The following CCDC178 variants were observed in gnomAD, a reference collection of about 807,000 sequenced individuals.
CCDC178 encodes the protein coiled-coil domain containing 178, also known as coiled-coil domain-containing protein 178.
In CCDC178, 126 loss-of-function variants were observed where a neutral mutation model predicts 117.4. The observed-to-expected ratio is 1.07, with a 90% CI of 0.93 to 1.24. CCDC178 has a LOEUF of 1.24. CCDC178 is among the 50% of genes most tolerant of loss of function. CCDC178 has a pLI of 0.00. For synonymous variants in CCDC178, 283 were observed against 313.4 expected (o/e 0.90, Z 1.02); for missense variants, 1,030 against 986.9 (o/e 1.04, Z -0.59).
chr18:33,356,912 T>C (rs2063065384), intron 6 of CCDC178, among the ~76,000 whole-genome samples: 1 of 152,126 alleles, frequency 6.6e-6, no homozygotes, highest in South Asian at 2.1e-4. Flanking sequence ...TTAGGGAGCC[T>C]GACACTTTCA....
chr18:32,944,879 T>C (rs1262860820), intron 22 of CCDC178, among the ~76,000 whole-genome samples: 1 of 152,210 alleles, frequency 6.6e-6, no homozygotes, highest in Non-Finnish European at 1.5e-5. Context: ...TCATTCTCTC[T>C]TGCCTGCTGC....
At chr18:33,159,171 C>T (rs184001675) in intron 20 of CCDC178, among the ~76,000 whole-genome samples, 209 of 152,048 alleles carry the variant, frequency 1.4e-3, no homozygotes, top group African/African-American at 4.8e-3. Context: ...ATGTAATTAA[C>T]GGCAAAAGTG....
chr18:32,999,209 T>A (rs2055579920), intron 21 of CCDC178, among the ~76,000 whole-genome samples: 3 of 152,096 alleles, frequency 2.0e-5, no homozygotes, highest in Admixed American at 6.5e-5. Flanking sequence ...AGTACTTGCC[T>A]TGAGCCTGGT....
chr18:33,427,137 T>C (rs920543690), intron 2 of CCDC178, among the ~76,000 whole-genome samples: 11 of 152,152 alleles, frequency 7.2e-5, no homozygotes, highest in African/African-American at 2.4e-4. Flanking sequence ...TTAACAATTA[T>C]TTTCAAAGTT....
chr18:33,117,585 G>A (rs1041901330), intron 20 of CCDC178, among the ~76,000 whole-genome samples: 2 of 151,892 alleles, frequency 1.3e-5, no homozygotes, highest in Middle Eastern at 3.2e-3. Context: ...TGGGGGGAGC[G>A]GGGAGAGGGA....
chr18:33,297,780 G>T (rs546052767), intron 11 of CCDC178, among the ~76,000 whole-genome samples: 1 of 152,098 alleles, frequency 6.6e-6, no homozygotes, highest in East Asian at 1.9e-4. Context: ...AGTGGCTCAC[G>T]CCTGTAATCC....
At chr18:33,198,121 T>TATC (rs1260007329) in intron 20 of CCDC178, among the ~76,000 whole-genome samples, 5 of 152,182 alleles carry the variant, frequency 3.3e-5, no homozygotes, top group Non-Finnish European at 7.3e-5. Flanking sequence ...CACAGGACAC[T>TATC]GCAAGTCATA....
chr18:33,403,489 C>CA (rs34702028), intron 3 of CCDC178, among the ~76,000 whole-genome samples: 10,980 of 115,476 alleles, frequency 0.095, 724 homozygotes, highest in African/African-American at 0.22. Flanking sequence ...GTATGACATC[C>CA]AAAAAAAAAA....
At chr18:33,380,192 A>T (rs1008639172) in intron 5 of CCDC178, among the ~76,000 whole-genome samples, 3 of 152,184 alleles carry the variant, frequency 2.0e-5, no homozygotes, top group Non-Finnish European at 4.4e-5. Context: ...CTCATCACCC[A>T]GGAGAAGCTG....
chr18:33,363,973 T>G (rs1384667434), intron 6 of CCDC178, among the ~76,000 whole-genome samples: 1 of 152,120 alleles, frequency 6.6e-6, no homozygotes, highest in African/African-American at 2.4e-5. Flanking sequence ...CTATGTGCTT[T>G]GCTTTGGTCA....
chr18:33,132,577 A>C (rs1035080052), intron 20 of CCDC178, among the ~76,000 whole-genome samples: 5 of 151,774 alleles, frequency 3.3e-5, no homozygotes, highest in Non-Finnish European at 5.9e-5. Flanking sequence ...AAGGTAATTT[A>C]AAAGAATCTG....
intron 20 of CCDC178, among the ~76,000 whole-genome samples, chr18:33,145,729 G>A (rs543716022): frequency 6.6e-6 from 1 of 152,272 alleles, no homozygotes; most frequent in East Asian, 1.9e-4. Flanking sequence ...TGACCCTTCA[G>A]CTTTCTCTTC....
At chr18:33,300,902 C>G (rs2062168689) in intron 11 of CCDC178, among the ~76,000 whole-genome samples, 1 of 152,174 alleles carries the variant, frequency 6.6e-6, no homozygotes, top group East Asian at 1.9e-4. Context: ...TCCAAGCAGG[C>G]TGCAGAACAA....
At chr18:33,182,479 T>C (rs543631269) in intron 20 of CCDC178, among the ~76,000 whole-genome samples, 4 of 152,102 alleles carry the variant, frequency 2.6e-5, no homozygotes, top group African/African-American at 9.6e-5. Context: ...ATACTTGTAA[T>C]AACATTTTTA....
intron 21 of CCDC178, among the ~76,000 whole-genome samples, chr18:33,017,983 A>G (rs900766317): frequency 6.6e-6 from 1 of 152,094 alleles, no homozygotes; most frequent in African/African-American, 2.4e-5. Flanking sequence ...AACCATTAAG[A>G]AAGTGAAAAT....
At chr18:33,124,563 TTTAA>T (rs1393744078) in intron 20 of CCDC178, among the ~76,000 whole-genome samples, 1 of 152,174 alleles carries the variant, frequency 6.6e-6, no homozygotes, top group Non-Finnish European at 1.5e-5. Context: ...CTAACTTTAG[TTTAA>T]TTACTTTCTA....
intron 21 of CCDC178, among the ~76,000 whole-genome samples, chr18:33,026,713 A>G (rs978193084): frequency 6.6e-6 from 1 of 151,948 alleles, no homozygotes; most frequent in African/African-American, 2.4e-5. Context: ...TGGTAGAAGT[A>G]AAGTGCCAAG....
chr18:33,065,228 C>T (rs1247985704), intron 21 of CCDC178, among the ~76,000 whole-genome samples: 3 of 152,002 alleles, frequency 2.0e-5, no homozygotes, highest in African/African-American at 7.3e-5. Flanking sequence ...TGGTGTACTA[C>T]AAAATAGCTA....
chr18:33,404,414 T>A (rs928766363), intron 3 of CCDC178, among the ~76,000 whole-genome samples: 1 of 151,362 alleles, frequency 6.6e-6, no homozygotes, highest in South Asian at 2.1e-4. Flanking sequence ...TCACAGCCAC[T>A]AGGAGGCTAT....
Sources: gnomAD v4.1 joint callset for allele counts (sites outside exome capture counted in the v4.1 genomes callset) on GRCh38, gnomAD v4.1.1 for gene constraint, MANE v1.5 for transcripts, NCBI Gene and HGNC (gene_info 2026-07-23, HGNC 2026-07-21) for gene names.